The following CROCC2 variants were observed in gnomAD, a reference collection of about 807,000 sequenced individuals.
CROCC2 encodes ciliary rootlet coiled-coil protein 2.
Under a neutral mutation model 177.6 loss-of-function variants are expected in CROCC2, and 163 were observed. The observed-to-expected ratio is 0.92, with a 90% CI of 0.81 to 1.05. CROCC2 has a LOEUF of 1.05. Among genes scored for constraint, CROCC2 ranks in the 50% least tolerant of loss-of-function variants. The pLI is 0.00. For missense variants in CROCC2, 1,929 were observed against 1,797.8 expected (o/e 1.07, Z -1.32); for synonymous variants, 904 against 787.3 (o/e 1.15, Z -2.48).
intron 27 of CROCC2, among the ~76,000 whole-genome samples, chr2:240,971,883 A>G (rs2059723437): frequency 6.6e-6 from 1 of 151,454 alleles, no homozygotes; most frequent in African/African-American, 2.4e-5. Context: ...TACTCAGCTA[A>G]TCTCAGGATC....
chr2:240,964,194 G>A (rs561499666), intron 21 of CROCC2: 14 of 564,542 alleles, frequency 2.5e-5, no homozygotes, highest in Non-Finnish European at 3.8e-5. Context: ...TTGAGCGTCC[G>A]GGAGTGTGAC....
chr2:240,935,520 G>T lies in CROCC2; in HGVS notation c.2101G>T (p.Glu701Ter). Residue 701 changes from glutamate to a stop codon, truncating the protein, a stop_gained, in exon 14 of 32, where the codon GAG becomes TAG. Coordinates refer to ENST00000690015, the MANE Select transcript of CROCC2 (RefSeq NM_001351305.2). LOFTEE classifies it high-confidence loss of function. Reference sequence around the variant, plus strand: ...CTGCGGACGCCTGGAGCAGCGGCAGGAGCAGCTGGAGGGGCAGGCAGCCCT... The same window carrying T: ...CTGCGGACGCCTGGAGCAGCGGCAGTAGCAGCTGGAGGGGCAGGCAGCCCT... ...QACGRLEQRQ[E>*]QLEGQAALLG... 7.4e-7 allele frequency: 1 copy of T among 1,350,528 alleles called. No homozygotes were observed. Among genetic ancestry groups the T allele is most frequent in the Non-Finnish European group, 9.5e-7 (1 of 1,048,692 alleles). 83.7% of individuals were successfully genotyped at this position (1,350,528 alleles called of 1,614,324 possible). A position where few individuals can be genotyped will look rare whatever the true frequency, so the allele number is the denominator to read the frequency against.
chr2:240,948,032 C>A (rs201426065), intron 15 of CROCC2, among the ~76,000 whole-genome samples: 1 of 152,088 alleles, frequency 6.6e-6, no homozygotes, highest in Non-Finnish European at 1.5e-5. Flanking sequence ...GGAGACCAGG[C>A]GGGCCTCTAG....
intron 18 of CROCC2, 146 bp downstream of exon 18, chr2:240,950,656 C>A: frequency 2.6e-6 from 2 of 767,946 alleles, no homozygotes; most frequent in South Asian, 2.0e-5. Context: ...TCCAACCATC[C>A]GTCCACTCAC....
At chr2:240,940,305 T>C (rs1455653142) in intron 14 of CROCC2, among the ~76,000 whole-genome samples, 2 of 152,210 alleles carry the variant, frequency 1.3e-5, no homozygotes, top group Non-Finnish European at 2.9e-5. Context: ...GAGGAATTGG[T>C]ATTTTATCAT....
At chr2:240,946,972 C>T (rs1419545480) in intron 15 of CROCC2, among the ~76,000 whole-genome samples, 1 of 152,226 alleles carries the variant, frequency 6.6e-6, no homozygotes, top group African/African-American at 2.4e-5. Flanking sequence ...GACGGGCACT[C>T]GCAGGCAAGA....
chr2:240,930,554 G>T (rs991610239), intron 6 of CROCC2, among the ~76,000 whole-genome samples: 7 of 152,090 alleles, frequency 4.6e-5, no homozygotes, highest in African/African-American at 1.4e-4. Context: ...TGTGGGGTGG[G>T]GGACACCTAC....
chr2:240,964,710 C>G (rs1056140932), intron 22 of CROCC2, 85 bp downstream of exon 22: 112 of 1,435,214 alleles, frequency 7.8e-5, no homozygotes, highest in Non-Finnish European at 9.7e-5. Context: ...GCCCCCAGCC[C>G]TGGCCTTGCT....
intron 5 of CROCC2, chr2:240,929,779 T>C (rs1032583068): frequency 6.3e-6 from 3 of 476,370 alleles, no homozygotes; most frequent in African/African-American, 3.9e-5. Context: ...GCTGCAGAAA[T>C]GTCTGCCCCA....
intron 15 of CROCC2, among the ~76,000 whole-genome samples, chr2:240,948,314 G>A (rs945311677): frequency 2.6e-5 from 4 of 152,102 alleles, no homozygotes; most frequent in African/African-American, 4.8e-5. Flanking sequence ...AGGGGGTGGC[G>A]GTGGCCAGAA....
At position 240,925,028 on chromosome 2, in the gene CROCC2, A is replaced by G. The variant is rs7370379; in HGVS notation, c.489-696A>G. ...CCCACACTGACCCAGCCCCCACATT[A>G]ACCCAGCCCTGCACAGCAACCAAGG... On this transcript the variant is annotated intron_variant, in intron 4 of 31. Transcript: ENST00000690015. Among the ~76,000 whole-genome samples the G allele has an allele frequency of 3.6e-3, 481 of 133,918 alleles. 44 individuals are homozygous for G. The highest frequency in any genetic ancestry group is 0.031 in the East Asian group (90 of 2,932). The allele number at this position is 133,918 out of a possible 152,430, so 87.9% of individuals were successfully genotyped here. A position where few individuals can be genotyped will look rare whatever the true frequency, so the allele number is the denominator to read the frequency against.
At chr2:240,992,781 G>A (rs1210936650) in intron 31 of CROCC2, among the ~76,000 whole-genome samples, 1 of 152,220 alleles carries the variant, frequency 6.6e-6, no homozygotes, top group Non-Finnish European at 1.5e-5. Flanking sequence ...GGGTGGAGGG[G>A]GTCACTGAGA....
chr2:240,958,107 T>C lies in CROCC2; in HGVS notation c.2944-1194T>C. On this transcript the variant is annotated intron_variant, in intron 19 of 31. Transcript: ENST00000690015. The surrounding 1 kb of genome is among the most constrained non-coding windows in gnomAD (Gnocchi z 6.7). ...TCCTTTGCCACCTCGGCTCAGAAAA[T>C]GGAAATTAAAACTGTTGAGAGGAGC... 1 of 984,782 alleles carries C rather than the reference T, an allele frequency of 1.0e-6. No homozygotes were observed. 61.0% of individuals were successfully genotyped at this position (984,782 alleles called of 1,614,324 possible). A position where few individuals can be genotyped will look rare whatever the true frequency, so the allele number is the denominator to read the frequency against.
At chr2:240,915,511 G>T (rs12464799) in intron 1 of CROCC2, among the ~76,000 whole-genome samples, 1 of 152,056 alleles carries the variant, frequency 6.6e-6, no homozygotes, top group Admixed American at 6.5e-5. Context: ...TCACAGATGG[G>T]GACATGAGGT....
intron 1 of CROCC2, among the ~76,000 whole-genome samples, chr2:240,912,592 A>G (rs2059295481): frequency 6.6e-6 from 1 of 152,194 alleles, no homozygotes; most frequent in South Asian, 2.1e-4. Context: ...CCAACCACCC[A>G]CAGCACTGCC....
At position 240,969,796 on chromosome 2, in the gene CROCC2, T is replaced by C. The variant is rs1332377417; in HGVS notation, c.4401+1534T>C. On this transcript the variant is annotated intron_variant, in intron 27 of 31. Transcript: ENST00000690015. ...CCCAGGCTGGAGTGCAGTGGCACCATCTTGGCTCACAGCAACCTCCGCCTC... is the reference window on the plus strand; with the variant it reads ...CCCAGGCTGGAGTGCAGTGGCACCACCTTGGCTCACAGCAACCTCCGCCTC... Among the ~76,000 whole-genome samples, 11 of 152,354 alleles carry C rather than the reference T, an allele frequency of 7.2e-5. No individual in the cohort carries two copies. In the East Asian group the frequency reaches 1.9e-3, roughly 27 times the overall value.
At chr2:240,925,656 G>T in intron 4 of CROCC2, 68 bp from the exon 5 acceptor site, 1 of 638,512 alleles carries the variant, frequency 1.6e-6, no homozygotes, top group South Asian at 1.9e-5. Context: ...CCTTGACTTG[G>T]GGACTCTGAG....
chr2:240,970,234 T>G (rs1274067169), intron 27 of CROCC2, among the ~76,000 whole-genome samples: 1 of 152,216 alleles, frequency 6.6e-6, no homozygotes, highest in East Asian at 1.9e-4. Context: ...TCGGTTAACT[T>G]TTCCTGAGTG....
chr2:240,975,973 T>G (rs1432041994), intron 27 of CROCC2, among the ~76,000 whole-genome samples: 1 of 152,076 alleles, frequency 6.6e-6, no homozygotes, highest in Non-Finnish European at 1.5e-5. Flanking sequence ...TCAGAAAATC[T>G]GCCCATCTCA....
Sources: gnomAD v4.1 joint callset for allele counts (sites outside exome capture counted in the v4.1 genomes callset) on GRCh38, gnomAD v4.1.1 for gene constraint, Gnocchi (gnomAD v3.1) non-coding constraint, MANE v1.5 for transcripts, NCBI Gene and HGNC (gene_info 2026-07-23, HGNC 2026-07-21) for gene names.